PVT1: variants seen among roughly 807,000 people sequenced by gnomAD.
The protein encoded by PVT1 is CXCR4/PVT1 fusion.
chr8:128,031,990 C>T (rs1473259666), intron 4 of PVT1, among the ~76,000 whole-genome samples: 3 of 152,280 alleles, frequency 2.0e-5, no homozygotes, highest in East Asian at 3.9e-4. Context: ...ATGATGACGA[C>T]GATGACAGCG....
chr8:127,810,042 C>T (rs1814575021), intron 2 of PVT1, among the ~76,000 whole-genome samples: 2 of 152,228 alleles, frequency 1.3e-5, no homozygotes, highest in Admixed American at 1.3e-4. Context: ...ATTTATAAGG[C>T]TGCCTTCCCT....
rs142629461 is a variant in PVT1 at position 127,956,402 on chromosome 8, G to C, written n.783-32760G>C. Among the ~76,000 whole-genome samples, 761 of 152,358 alleles carry C rather than the reference G, an allele frequency of 5.0e-3. 2 individuals carry two copies. Among genetic ancestry groups the C allele is most frequent in the Non-Finnish European group, 7.3e-3 (499 of 68,032 alleles). On this transcript the variant is annotated intron_variant and non_coding_transcript_variant, in intron 3 of 10. Coordinates refer to ENST00000651587, the Ensembl canonical transcript of PVT1. ...GGACAGATAGGGAGCTGTTGCAGGA[G>C]AAAGAACTGCCACCTCTTTTCCAGG...
At chr8:127,830,946 G>T (rs1814841325) in intron 2 of PVT1, among the ~76,000 whole-genome samples, 2 of 152,072 alleles carry the variant, frequency 1.3e-5, no homozygotes, top group Admixed American at 6.6e-5. Flanking sequence ...TTGAGGCTTG[G>T]ACTGGCTCTC....
At chr8:127,911,495 G>A (rs1339718354) in intron 3 of PVT1, among the ~76,000 whole-genome samples, 2 of 152,240 alleles carry the variant, frequency 1.3e-5, no homozygotes, top group Non-Finnish European at 2.9e-5. Flanking sequence ...ACTGATCCCC[G>A]TGGCCACTGT....
intron 2 of PVT1, among the ~76,000 whole-genome samples, chr8:127,876,267 T>C (rs1815404605): frequency 1.3e-5 from 2 of 151,826 alleles, no homozygotes; most frequent in South Asian, 4.2e-4. Flanking sequence ...TGTGTGTGTG[T>C]GTGTGTGTGT....
intron 2 of PVT1, among the ~76,000 whole-genome samples, chr8:127,866,470 C>T (rs1815287501): frequency 6.6e-6 from 1 of 152,152 alleles, no homozygotes; most frequent in South Asian, 2.1e-4. Context: ...ACTGGGACAT[C>T]CTGCCTTCCT....
In PVT1 at chr8:128,058,438, GTT is replaced by G. The variant is rs750285867; in HGVS notation, n.913-11720_913-11719del. Among the ~76,000 whole-genome samples the G allele has an allele frequency of 1.3e-4, 19 of 151,306 alleles. No individual in the cohort carries two copies. In the East Asian group the frequency reaches 1.4e-3, roughly 11 times the overall value. The stretch of plus-strand genomic sequence containing the variant: ...TAGTTGTATGGTGGTATATATATTA[GTT>G]TGTAAATAGCTCTTCTACTAAATAC... On this transcript the variant is annotated intron_variant and non_coding_transcript_variant, in intron 4 of 10. Transcript: ENST00000651587.
intron 5 of PVT1, among the ~76,000 whole-genome samples, chr8:128,076,896 G>A (rs1184267261): frequency 6.6e-6 from 1 of 152,210 alleles, no homozygotes; most frequent in African/African-American, 2.4e-5. Context: ...GCTTCTGAGA[G>A]AGGCCCAGAG....
chr8:127,856,850 A>G (rs1040433031), intron 2 of PVT1, among the ~76,000 whole-genome samples: 4 of 152,186 alleles, frequency 2.6e-5, no homozygotes, highest in African/African-American at 7.2e-5. Flanking sequence ...TGCTCTCCTA[A>G]CCGCTATGCC....
chr8:127,991,136 CTTTCTTTTTT>C (rs1817034216), intron 4 of PVT1, among the ~76,000 whole-genome samples: 3 of 136,390 alleles, frequency 2.2e-5, no homozygotes, highest in Admixed American at 7.3e-5. Context: ...TTTTTCTTTT[CTTTCTTTTTT>C]TTTTTTTTTT....
chr8:127,798,364 G>A (rs879245435), intron 2 of PVT1, among the ~76,000 whole-genome samples: 1 of 151,716 alleles, frequency 6.6e-6, no homozygotes, highest in East Asian at 1.9e-4. Context: ...AACACAGTGT[G>A]TCCCCCACCC....
At chr8:128,075,430 T>C (rs1814073416) in intron 5 of PVT1, among the ~76,000 whole-genome samples, 1 of 130,872 alleles carries the variant, frequency 7.6e-6, no homozygotes, top group Non-Finnish European at 1.7e-5. Context: ...TAAAATTATA[T>C]TTCTATTTTC....
At chr8:128,090,450 G>A (rs540390693) in intron 5 of PVT1, among the ~76,000 whole-genome samples, 2 of 152,294 alleles carry the variant, frequency 1.3e-5, no homozygotes, top group African/African-American at 4.8e-5. Context: ...AAAAGTTAAA[G>A]GCTGACTTTG....
intron 4 of PVT1, chr8:128,009,864 C>G (rs1000205062): frequency 6.6e-6 from 1 of 152,136 alleles, no homozygotes; most frequent in Non-Finnish European, 1.5e-5. Context: ...CGCAATCTTG[C>G]GAAATTTCTC....
intron 4 of PVT1, among the ~76,000 whole-genome samples, chr8:128,049,782 T>C (rs1245472664): frequency 6.6e-6 from 1 of 152,244 alleles, no homozygotes; most frequent in Non-Finnish European, 1.5e-5. Flanking sequence ...GGTTTGAATT[T>C]TGATTCTGGC....
At chr8:127,903,151 C>T (rs1194182174) in intron 3 of PVT1, among the ~76,000 whole-genome samples, 3 of 152,156 alleles carry the variant, frequency 2.0e-5, no homozygotes, top group African/African-American at 7.2e-5. Flanking sequence ...AAATGTATCT[C>T]ATTGTGGTTT....
Position 128,050,012 on chromosome 8 carries a change from G to A in PVT1, n.913-20148G>A, listed in dbSNP as rs145931180. ...GGGCAAGGAGATGACCGATGATCAC[G>A]TGATTTGGAACTATAGCCTCCATTG... On this transcript the variant is annotated intron_variant and non_coding_transcript_variant, in intron 4 of 10. Coordinates refer to ENST00000651587, the Ensembl canonical transcript of PVT1. Among the ~76,000 whole-genome samples the A allele has an allele frequency of 1.2e-4, 18 of 152,162 alleles. No homozygotes were observed. The East Asian group carries it at 3.5e-3, about 29-fold the overall frequency.
At chr8:128,071,383 C>G (rs922460079) in intron 5 of PVT1, among the ~76,000 whole-genome samples, 4 of 152,050 alleles carry the variant, frequency 2.6e-5, no homozygotes, top group African/African-American at 9.7e-5. Flanking sequence ...CTGGCTAGCT[C>G]AAGAAATTAA....
chr8:127,948,182 G>A, intron 3 of PVT1: 1 of 356,518 alleles, frequency 2.8e-6, no homozygotes, highest in Non-Finnish European at 5.5e-6. Context: ...ACAGTATTGT[G>A]CGGTGGCTGT....
Sources: allele counts gnomAD v4.1 joint callset (sites outside exome capture counted in the v4.1 genomes callset), GRCh38; gene constraint gnomAD v4.1.1; transcripts MANE v1.5; gene names NCBI Gene and HGNC (gene_info 2026-07-23, HGNC 2026-07-21).